ZNF804B: variants seen among roughly 807,000 people sequenced by gnomAD.
ZNF804B encodes the protein zinc finger protein 804B.
ZNF804B carries 80 observed loss-of-function variants against 101.4 expected under a neutral mutation model. The ratio of observed to expected loss-of-function variants is 0.79; its 90% CI spans 0.66 to 0.95. The LOEUF (loss-of-function observed/expected upper bound fraction) is 0.95. Ranked by LOEUF, ZNF804B falls within the 40% of genes least tolerant of loss-of-function variation. ZNF804B has a pLI of 0.00. For missense variants in ZNF804B, 1,673 were observed against 1,561.9 expected, an observed-to-expected ratio of 1.07 and a Z score of -1.20; for synonymous variants, 622 against 558.8, an observed-to-expected ratio of 1.11 and a Z score of -1.59.
At chr7:88,771,786 T>G (rs949736987) in intron 1 of ZNF804B, among the ~76,000 whole-genome samples, 3 of 152,194 alleles carry the variant, frequency 2.0e-5, no homozygotes, top group Non-Finnish European at 4.4e-5. Flanking sequence ...CTGATCATCA[T>G]GTAGATTTAG....
chr7:89,264,268 G>T (rs1477901723), intron 2 of ZNF804B, among the ~76,000 whole-genome samples: 1 of 152,152 alleles, frequency 6.6e-6, no homozygotes, highest in Non-Finnish European at 1.5e-5. Flanking sequence ...AATCCTGCAG[G>T]TTTAACAAAT....
intron 1 of ZNF804B, among the ~76,000 whole-genome samples, chr7:88,901,862 C>G (rs1425788284): frequency 6.6e-6 from 1 of 151,796 alleles, no homozygotes; most frequent in Non-Finnish European, 1.5e-5. Context: ...TTTTGATAAG[C>G]TTTGTCCATG....
intron 2 of ZNF804B, among the ~76,000 whole-genome samples, chr7:89,320,530 C>T (rs1199266768): frequency 2.0e-5 from 3 of 151,926 alleles, no homozygotes; most frequent in African/African-American, 7.2e-5. Context: ...TGATATTTAG[C>T]ACAGTATAAA....
intron 1 of ZNF804B, among the ~76,000 whole-genome samples, chr7:88,850,463 T>C (rs1360563530): frequency 4.6e-5 from 7 of 152,144 alleles, no homozygotes; most frequent in Non-Finnish European, 2.9e-5. Flanking sequence ...GAAAATCATC[T>C]GAGACTCGTG....
intron 1 of ZNF804B, among the ~76,000 whole-genome samples, chr7:89,198,565 A>G (rs914844567): frequency 1.3e-5 from 2 of 151,968 alleles, no homozygotes; most frequent in Non-Finnish European, 2.9e-5. Flanking sequence ...TCACTACTCA[A>G]GGAATATTTT....
chr7:89,108,223 C>CTTTTTTT (rs68099837), intron 1 of ZNF804B, among the ~76,000 whole-genome samples: 1 of 140,342 alleles, frequency 7.1e-6, no homozygotes, highest in Non-Finnish European at 1.6e-5. Flanking sequence ...TAATTAGCTG[C>CTTTTTTT]TTTTTTTTTT....
chr7:88,941,257 C>T (rs1793050324), intron 1 of ZNF804B, among the ~76,000 whole-genome samples: 1 of 151,916 alleles, frequency 6.6e-6, no homozygotes, highest in Non-Finnish European at 1.5e-5. Flanking sequence ...CAGTTGGACT[C>T]CTTGGTATTT....
At chr7:89,245,488 T>A (rs1789429123) in intron 2 of ZNF804B, among the ~76,000 whole-genome samples, 1 of 152,170 alleles carries the variant, frequency 6.6e-6, no homozygotes, top group Non-Finnish European at 1.5e-5. Flanking sequence ...GTGGCCAGTA[T>A]TTGAACACAA....
intron 1 of ZNF804B, among the ~76,000 whole-genome samples, chr7:88,845,581 G>T (rs1791361342): frequency 1.4e-5 from 2 of 147,892 alleles, no homozygotes; most frequent in South Asian, 4.3e-4. Context: ...TTTGCTCAGG[G>T]TTTTTTTTTT....
chr7:88,764,324 A>C (rs1011079922), intron 1 of ZNF804B, among the ~76,000 whole-genome samples: 1 of 152,166 alleles, frequency 6.6e-6, no homozygotes, highest in Admixed American at 6.5e-5. Context: ...TCCTGGGAGC[A>C]CCATAGTTAG....
At chr7:89,090,179 C>T (rs1427021455) in intron 1 of ZNF804B, among the ~76,000 whole-genome samples, 3 of 152,022 alleles carry the variant, frequency 2.0e-5, no homozygotes, top group Non-Finnish European at 4.4e-5. Flanking sequence ...TTTCTCATCA[C>T]ATCCTCAATA....
intron 1 of ZNF804B, among the ~76,000 whole-genome samples, chr7:88,814,969 G>A (rs1438947347): frequency 6.6e-6 from 1 of 150,640 alleles, no homozygotes; most frequent in Non-Finnish European, 1.5e-5. Context: ...AATTATTTCT[G>A]AGGATTAATC....
At chr7:89,167,619 T>C (rs919721818) in intron 1 of ZNF804B, among the ~76,000 whole-genome samples, 4 of 152,040 alleles carry the variant, frequency 2.6e-5, no homozygotes, top group African/African-American at 7.2e-5. Context: ...TTGTGAACAA[T>C]TGGGAAAATA....
chr7:89,163,818 C>T (rs1383545490), intron 1 of ZNF804B, among the ~76,000 whole-genome samples: 6 of 152,072 alleles, frequency 3.9e-5, no homozygotes, highest in South Asian at 2.1e-4. Context: ...ATGCAGGTGT[C>T]GTCCTTTAAA....
At chr7:89,105,704 C>G (rs1275479274) in intron 1 of ZNF804B, among the ~76,000 whole-genome samples, 1 of 152,070 alleles carries the variant, frequency 6.6e-6, no homozygotes, top group East Asian at 1.9e-4. Flanking sequence ...GTTGGGTGTT[C>G]CCCAATTCAG....
At chr7:89,312,876 T>C (rs1445021805) in intron 2 of ZNF804B, among the ~76,000 whole-genome samples, 1 of 152,184 alleles carries the variant, frequency 6.6e-6, no homozygotes, top group Non-Finnish European at 1.5e-5. Flanking sequence ...AAGTCCCATT[T>C]TAATCATGAG....
intron 2 of ZNF804B, among the ~76,000 whole-genome samples, chr7:89,261,507 G>A (rs1194577201): frequency 6.6e-6 from 1 of 152,008 alleles, no homozygotes; most frequent in Non-Finnish European, 1.5e-5. Context: ...GTTGTTCAAG[G>A]GTCAATAGTA....
intron 1 of ZNF804B, among the ~76,000 whole-genome samples, chr7:88,927,853 C>T (rs1479102674): frequency 3.9e-5 from 6 of 152,166 alleles, no homozygotes; most frequent in African/African-American, 1.4e-4. Context: ...TTAACATGCA[C>T]TTATGGGTTT....
intron 1 of ZNF804B, among the ~76,000 whole-genome samples, chr7:89,190,485 G>A (rs556834025): frequency 6.6e-6 from 1 of 152,112 alleles, no homozygotes; most frequent in Non-Finnish European, 1.5e-5. Flanking sequence ...TGCCTGAAAT[G>A]AATCTACTTC....
Sources: gnomAD v4.1 joint callset for allele counts (sites outside exome capture counted in the v4.1 genomes callset) on GRCh38, gnomAD v4.1.1 for gene constraint, MANE v1.5 for transcripts, NCBI Gene and HGNC (gene_info 2026-07-23, HGNC 2026-07-21) for gene names.